The following MCTP1 variants were observed in gnomAD, a reference collection of about 807,000 sequenced individuals.
The protein encoded by MCTP1 is multiple C2 and transmembrane domain containing 1.
In MCTP1, 69 loss-of-function variants were observed where a neutral mutation model predicts 120.6. That is an observed-to-expected ratio of 0.57 (90% CI 0.47 to 0.70). The LOEUF is 0.70. Among genes scored for constraint, MCTP1 ranks in the 30% least tolerant of loss-of-function variants. MCTP1 has a pLI of 0.00. For missense variants in MCTP1, 1,203 were observed against 1,248.8 expected (o/e 0.96, Z 0.55); for synonymous variants, 529 against 493.1 (o/e 1.07, Z -0.96).
At position 94,704,480 on chromosome 5, in the gene MCTP1, G is replaced by T. The variant is rs1754093593; in HGVS notation, c.*3016C>A. ...CAAATGTAGACTACTTTGAGCATAG[G>T]AGACCTTAGATATGAGATCAAAGTG... is the stretch of plus-strand genomic sequence containing the variant. On this transcript the variant is annotated 3_prime_UTR_variant, in exon 23 of 23. Coordinates refer to ENST00000515393, the MANE Select transcript of MCTP1 (RefSeq NM_024717.7). The T allele has an allele frequency of 6.6e-6, 1 of 151,310 alleles. No individual in the cohort carries two copies. 9.4% of individuals were successfully genotyped at this position (151,310 alleles called of 1,614,324 possible).
chr5:94,833,334 T>G (rs1017427506), intron 17 of MCTP1, among the ~76,000 whole-genome samples: 6 of 152,164 alleles, frequency 3.9e-5, no homozygotes, highest in African/African-American at 1.4e-4. Context: ...CACTGCTTCT[T>G]TCATTCTGGA....
At chr5:94,942,465 C>T in intron 3 of MCTP1, 38 bp from the exon 4 acceptor site, 2 of 1,419,598 alleles carry the variant, frequency 1.4e-6, no homozygotes. Context: ...TTATAAATAT[C>T]TCCAATATAA....
At chr5:94,940,510 C>A (rs185321550) in intron 4 of MCTP1, among the ~76,000 whole-genome samples, 1 of 146,790 alleles carries the variant, frequency 6.8e-6, no homozygotes, top group East Asian at 2.0e-4. Context: ...CAGAGAGTAG[C>A]GCCATACATA....
rs1212294315 is a variant in MCTP1, at chr5:94,997,974, G to A, written c.838+19393C>T. Among the ~76,000 whole-genome samples, 2 of 152,072 alleles carry A rather than the reference G, an allele frequency of 1.3e-5. 1 individual carries two copies. The highest frequency in any genetic ancestry group is 2.9e-5 in the Non-Finnish European group (2 of 68,014). On this transcript the variant is annotated intron_variant, in intron 2 of 22. Transcript: ENST00000515393. ...AAAATTATTTTTTAAAGAAGCTTATGTATTATAAATGACTGGTAGTTCAGT... is the reference window on the plus strand; with the variant it reads ...AAAATTATTTTTTAAAGAAGCTTATATATTATAAATGACTGGTAGTTCAGT...
intron 1 of MCTP1, among the ~76,000 whole-genome samples, chr5:95,162,950 A>C (rs1352577730): frequency 6.6e-6 from 1 of 152,216 alleles, no homozygotes; most frequent in Non-Finnish European, 1.5e-5. Flanking sequence ...TTGGAAAGCA[A>C]TATTAGAAAT....
At chr5:94,797,959 T>C (rs1407644255) in intron 18 of MCTP1, among the ~76,000 whole-genome samples, 2 of 152,132 alleles carry the variant, frequency 1.3e-5, no homozygotes, top group Non-Finnish European at 2.9e-5. Flanking sequence ...ACCATTATGA[T>C]GGTTACTATT....
chr5:94,915,517 T>C (rs1809816666), intron 8 of MCTP1, among the ~76,000 whole-genome samples: 1 of 152,214 alleles, frequency 6.6e-6, no homozygotes, highest in Non-Finnish European at 1.5e-5. Context: ...CATTTTTCTA[T>C]GTGCTCTCTA....
At chr5:95,023,128 C>T (rs117238765) in intron 1 of MCTP1, among the ~76,000 whole-genome samples, 1 of 152,280 alleles carries the variant, frequency 6.6e-6, no homozygotes, top group East Asian at 1.9e-4. Context: ...GGAGGTTTCA[C>T]TCTGTGGGCA....
intron 1 of MCTP1, chr5:95,082,025 T>C (rs1755007420): frequency 5.8e-6 from 1 of 171,604 alleles, no homozygotes; most frequent in Admixed American, 6.5e-5. Context: ...CTAAAGTCAC[T>C]AACATTCCCA....
chr5:95,167,265 T>G (rs191756994), intron 1 of MCTP1, among the ~76,000 whole-genome samples: 28 of 152,360 alleles, frequency 1.8e-4, no homozygotes, highest in Non-Finnish European at 1.3e-4. Flanking sequence ...TGCATAGTAT[T>G]CCATGGTGTA....
chr5:95,115,089 T>C lies in MCTP1; in HGVS notation c.721-97605A>G, dbSNP rs796502092. On this transcript the variant is annotated intron_variant, in intron 1 of 22. Transcript: ENST00000515393. ...ACTGGACTTGGATTGGGGTGCCATA[T>C]GTAAATATGGCTTAGGTAACAACAC... Among the ~76,000 whole-genome samples, 23 of 152,162 alleles carry C rather than the reference T, an allele frequency of 1.5e-4. 1 individual carries two copies.
chr5:94,819,359 G>A (rs1785167523), intron 17 of MCTP1, among the ~76,000 whole-genome samples: 1 of 152,054 alleles, frequency 6.6e-6, no homozygotes, highest in South Asian at 2.1e-4. Context: ...TCAAACTCCT[G>A]ACCTCAGGTG....
At chr5:94,847,821 A>C (rs35749798) in intron 17 of MCTP1, among the ~76,000 whole-genome samples, 11,248 of 151,906 alleles carry the variant, frequency 0.074, 554 homozygotes, top group East Asian at 0.26. Context: ...GTAACAGAGG[A>C]AACTCTGTTA....
intron 1 of MCTP1, among the ~76,000 whole-genome samples, chr5:95,032,482 G>T (rs537572007): frequency 6.6e-6 from 1 of 151,924 alleles, no homozygotes; most frequent in Non-Finnish European, 1.5e-5. Context: ...TCTTGTTTCC[G>T]AAGAACTTTG....
intron 2 of MCTP1, among the ~76,000 whole-genome samples, chr5:94,974,815 C>A (rs1246803603): frequency 6.6e-6 from 1 of 151,992 alleles, no homozygotes; most frequent in African/African-American, 2.4e-5. Context: ...AGTTGCACGA[C>A]TTTTGTAGAT....
chr5:94,993,430 T>C (rs1309841295), intron 2 of MCTP1, among the ~76,000 whole-genome samples: 1 of 152,136 alleles, frequency 6.6e-6, no homozygotes, highest in African/African-American at 2.4e-5. Context: ...ATAATGTCTC[T>C]TTTTTTCCCA....
chr5:94,709,989 G>A (rs1439370758), intron 21 of MCTP1: 1 of 152,154 alleles, frequency 6.6e-6, no homozygotes, highest in Non-Finnish European at 1.5e-5. Context: ...CCGAAGCTAA[G>A]ACTCATTTTG....
intron 1 of MCTP1, among the ~76,000 whole-genome samples, chr5:95,172,209 CTGCAGAACAGCGCATAT>C (rs1488327678): frequency 2.0e-5 from 3 of 152,210 alleles, no homozygotes; most frequent in Admixed American, 2.0e-4. Context: ...GCAGTGGAGG[CTGCAGAACAGCGCATAT>C]TGCTGAACAG....
chr5:95,027,359 G>A (rs538876689), intron 1 of MCTP1, among the ~76,000 whole-genome samples: 1 of 152,344 alleles, frequency 6.6e-6, no homozygotes, highest in East Asian at 1.9e-4. Context: ...CAGACAGTGA[G>A]CAGGCTGGCT....
Sources: gnomAD v4.1 joint callset for allele counts (sites outside exome capture counted in the v4.1 genomes callset) on GRCh38, gnomAD v4.1.1 for gene constraint, MANE v1.5 for transcripts, NCBI Gene and HGNC (gene_info 2026-07-23, HGNC 2026-07-21) for gene names.